HBS1L: variants seen among roughly 807,000 people sequenced by gnomAD.
The protein encoded by HBS1L is HBS1 like translational GTPase, also known as HBS1-like protein.
A neutral mutation model predicts 88.9 loss-of-function variants in HBS1L; 55 were observed. The observed-to-expected ratio is 0.62, with a 90% CI of 0.50 to 0.77. The LOEUF is 0.77. Ranked by LOEUF, HBS1L falls within the 30% of genes least tolerant of loss-of-function variation. The pLI is 0.00. For missense variants in HBS1L, 741 were observed against 829.3 expected, an observed-to-expected ratio of 0.89 and a Z score of 1.31; for synonymous variants, 267 against 288.5, an observed-to-expected ratio of 0.93 and a Z score of 0.76.
At chr6:134,986,563 A>G (rs1774984368) in intron 10 of HBS1L, among the ~76,000 whole-genome samples, 173 bp downstream of exon 10, 1 of 152,102 alleles carries the variant, frequency 6.6e-6, no homozygotes, top group Non-Finnish European at 1.5e-5. Flanking sequence ...AACATATGCA[A>G]TTTTCTAAGT....
chr6:135,003,847 AGAGT>A (rs1264001008), intron 4 of HBS1L, among the ~76,000 whole-genome samples: 1 of 152,218 alleles, frequency 6.6e-6, no homozygotes, highest in Non-Finnish European at 1.5e-5. Context: ...CCTAGGCGAC[AGAGT>A]GAGACTCCGT....
chr6:135,001,458 A>G (rs1583096587), intron 5 of HBS1L, among the ~76,000 whole-genome samples: 2 of 151,574 alleles, frequency 1.3e-5, no homozygotes, highest in South Asian at 4.1e-4. Context: ...AGAACAATAA[A>G]TTGTGTATTC....
chr6:135,013,925 G>A (rs1041481), intron 4 of HBS1L, among the ~76,000 whole-genome samples: 71,964 of 151,926 alleles, frequency 0.47, 17,290 homozygotes, highest in South Asian at 0.56. Flanking sequence ...AGATGATGTA[G>A]AAGTATACAG....
chr6:135,050,290 T>G (rs1189052280), intron 2 of HBS1L, among the ~76,000 whole-genome samples: 1 of 152,214 alleles, frequency 6.6e-6, no homozygotes, highest in African/African-American at 2.4e-5. Flanking sequence ...CAGAATTTCA[T>G]TATTGACTAA....
chr6:134,993,348 C>T (rs370548123), intron 8 of HBS1L, among the ~76,000 whole-genome samples: 7 of 151,792 alleles, frequency 4.6e-5, no homozygotes, highest in African/African-American at 9.7e-5. Flanking sequence ...AACCACTGGG[C>T]GAAAATACCC....
chr6:135,020,033 T>C (rs1776029199), intron 4 of HBS1L, among the ~76,000 whole-genome samples: 1 of 151,804 alleles, frequency 6.6e-6, no homozygotes, highest in African/African-American at 2.4e-5. Context: ...CCTATATGTA[T>C]GTGTCTATTT....
At chr6:134,968,422 T>C (rs1273092132) in intron 16 of HBS1L, among the ~76,000 whole-genome samples, 1 of 152,056 alleles carries the variant, frequency 6.6e-6, no homozygotes, top group Non-Finnish European at 1.5e-5. Context: ...CTAATTTTTG[T>C]ATTTTTAGTA....
rs935611511 is a variant in HBS1L, at chr6:135,024,216, G to A, written c.430+15357C>T. Among the ~76,000 whole-genome samples the A allele has an allele frequency of 4.1e-4, 62 of 152,048 alleles. 1 individual carries two copies. The highest frequency in any genetic ancestry group is 6.8e-3 in the Middle Eastern group (2 of 294). ...AGCACTTTGGGAGGCCGAGGCGGGC[G>A]GATCACGAGGTCAGGAGATCCAGAC... On this transcript the variant is annotated intron_variant, in intron 4 of 17. Coordinates refer to ENST00000367837, the MANE Select transcript of HBS1L (RefSeq NM_006620.4).
rs555149473 is a variant in HBS1L, at chr6:134,962,061, C to T, written c.*3218G>A. ...TCTTGTGCCTGGAATATGGCAGGAT[C>T]ATAATTAGACGAGGAAAGGATGAAT... On this transcript the variant is annotated 3_prime_UTR_variant, in exon 18 of 18. Coordinates refer to ENST00000367837, the MANE Select transcript of HBS1L (RefSeq NM_006620.4). 2.0e-5 allele frequency: 3 copies of T among 152,166 alleles called. No homozygotes were observed. The highest frequency in any genetic ancestry group is 2.1e-4 in the South Asian group (1 of 4,814). 9.4% of individuals were successfully genotyped at this position (152,166 alleles called of 1,614,324 possible). A position where few individuals can be genotyped will look rare whatever the true frequency, so the allele number is the denominator to read the frequency against.
chr6:135,037,555 T>C, intron 4 of HBS1L: 1 of 1,550,350 alleles, frequency 6.5e-7, no homozygotes. Flanking sequence ...TGAATTATTT[T>C]GAATATATAA....
At chr6:135,045,652 A>G (rs1776890347) in intron 2 of HBS1L, among the ~76,000 whole-genome samples, 1 of 152,178 alleles carries the variant, frequency 6.6e-6, no homozygotes, top group African/African-American at 2.4e-5. Flanking sequence ...CCTGGCCAAC[A>G]TGGCAAAACC....
chr6:134,997,562 C>T lies in HBS1L; in HGVS notation c.634G>A (p.Ala212Thr). The T allele has an allele frequency of 1.2e-6, 2 of 1,614,064 alleles. No homozygotes were observed. The highest frequency in any genetic ancestry group is 1.7e-6 in the Non-Finnish European group (2 of 1,179,980). The change falls in exon 6 of 18, where the codon GCT (alanine) becomes ACT (threonine). Residue 212 changes from alanine (A) to threonine (T), a missense_variant. Ala to Thr is a moderately conservative substitution (Grantham distance 58, BLOSUM62 0). Around this residue, in one of 3 missense-constraint regions of HBS1L, gnomAD observed 556 missense variants for 598.4 expected, o/e 0.93. Transcript: ENST00000367837. ...TGGGGTGGATTAGCAGATTTAGAAG[C>T]AGTCTCAAGAACATCGGAAGAAGCA... is the stretch of plus-strand genomic sequence containing the variant. ...AIASSDVLETASKSANPPHTI... is the reference protein window; with the variant it reads ...AIASSDVLETTSKSANPPHTI...
intron 16 of HBS1L, 42 bp from the exon 17 acceptor site, chr6:134,966,515 T>A: frequency 7.9e-7 from 1 of 1,273,820 alleles, no homozygotes; most frequent in Non-Finnish European, 1.1e-6. Flanking sequence ...ATGATAGAGG[T>A]GAATAAATGT....
At chr6:135,049,509 T>C (rs1326756841) in intron 2 of HBS1L, among the ~76,000 whole-genome samples, 1 of 152,210 alleles carries the variant, frequency 6.6e-6, no homozygotes, top group Admixed American at 6.5e-5. Flanking sequence ...ATAAATTATA[T>C]TTATGCTATA....
At position 134,979,810 on chromosome 6, in the gene HBS1L, T is replaced by C. The variant is rs577112517; in HGVS notation, c.1598-542A>G. Among the ~76,000 whole-genome samples the C allele has an allele frequency of 5.3e-5, 8 of 152,166 alleles. No homozygotes were observed. In the South Asian group the frequency reaches 1.7e-3, roughly 32 times the overall value. On this transcript the variant is annotated intron_variant, in intron 13 of 17. Transcript: ENST00000367837. ...TCTCAGCAGGCCCCTTAACTACTCC[T>C]GGCTCAAAAGAACTTCTTTCCAGAG... is the stretch of plus-strand genomic sequence containing the variant.
In HBS1L at chr6:135,002,547, A is replaced by G. The variant is rs546215126; in HGVS notation, c.539+187T>C. 1.6e-5 allele frequency: 7 copies of G among 431,816 alleles called. No individual in the cohort carries two copies. In the South Asian group the frequency reaches 2.1e-4, roughly 13 times the overall value. The allele number at this position is 431,816 out of a possible 1,614,324, so 26.7% of individuals were successfully genotyped here. A position where few individuals can be genotyped will look rare whatever the true frequency, so the allele number is the denominator to read the frequency against. ...AGGTAGAGTAAGTAATACACACAAG[A>G]TAAGGCCAGAATCAAGCCTAATTTC... is the stretch of plus-strand genomic sequence containing the variant. On this transcript the variant is annotated intron_variant, in intron 5 of 17. Coordinates refer to ENST00000367837, the MANE Select transcript of HBS1L (RefSeq NM_006620.4).
chr6:135,013,678 C>A (rs1037947551), intron 4 of HBS1L, among the ~76,000 whole-genome samples: 4 of 152,000 alleles, frequency 2.6e-5, no homozygotes, highest in Admixed American at 2.6e-4. Context: ...CTACAGTGAT[C>A]TAAGAGCAAT....
Position 134,986,720 on chromosome 6 carries a change from T to C in HBS1L, c.1305+16A>G. The C allele has an allele frequency of 6.8e-7, 1 of 1,460,662 alleles. No individual in the cohort carries two copies. Among genetic ancestry groups the C allele is most frequent in the Non-Finnish European group, 9.3e-7 (1 of 1,071,904 alleles). 90.5% of individuals were successfully genotyped at this position (1,460,662 alleles called of 1,614,324 possible). A position where few individuals can be genotyped will look rare whatever the true frequency, so the allele number is the denominator to read the frequency against. ...CTTAAGGAAAGTAATAACAAATAAA[T>C]CTAAAATGATCTTACCTTAAAACCT... On this transcript the variant is annotated intron_variant, in intron 10 of 17. Transcript: ENST00000367837.
At chr6:134,980,597 A>G (rs1774801295) in intron 13 of HBS1L, among the ~76,000 whole-genome samples, 1 of 151,964 alleles carries the variant, frequency 6.6e-6, no homozygotes, top group Admixed American at 6.6e-5. Context: ...TTAACAGTAT[A>G]AAATTTTCCA....
Sources: allele counts gnomAD v4.1 joint callset (sites outside exome capture counted in the v4.1 genomes callset), GRCh38; gene constraint gnomAD v4.1.1; regional missense constraint gnomAD v4.1.1; transcripts MANE v1.5; gene names NCBI Gene and HGNC (gene_info 2026-07-23, HGNC 2026-07-21).